The following ZNF513 variants were observed in gnomAD, a reference collection of about 807,000 sequenced individuals.
ZNF513 encodes zinc finger protein 513.
ZNF513 carries 16 observed loss-of-function variants against 39.7 expected under a neutral mutation model. The ratio of observed to expected loss-of-function variants is 0.40; its 90% CI spans 0.27 to 0.61. The LOEUF (loss-of-function observed/expected upper bound fraction) is 0.61, where lower values mean the gene tolerates loss of function less well. Among genes scored for constraint, ZNF513 ranks in the 20% least tolerant of loss-of-function variants. The probability of loss-of-function intolerance (pLI) is 0.39; values close to 1 mark genes in which losing one functional copy is unlikely to be tolerated. For synonymous variants in ZNF513, 348 were observed against 296.5 expected, an observed-to-expected ratio of 1.17 and a Z score of -1.79; for missense variants, 699 against 743.6, an observed-to-expected ratio of 0.94 and a Z score of 0.70.
At position 27,380,550 on chromosome 2, in the gene ZNF513, G is replaced by T. The variant is rs780603445; in HGVS notation, c.-24C>A. 3.1e-5 allele frequency: 48 copies of T among 1,550,456 alleles called. No individual in the cohort carries two copies. In the African/African-American group the frequency reaches 5.6e-4, roughly 18 times the overall value. On this transcript the variant is annotated 5_prime_UTR_variant, in exon 1 of 4. Transcript: ENST00000323703. ...ATCGTGACCGGCTCCAGCCCGACGC[G>T]CCTCCGGCCTGCGGCCGCCCGACCC...
intron 2 of ZNF513, among the ~76,000 whole-genome samples, chr2:27,379,707 A>T (rs1683534701): frequency 6.6e-6 from 1 of 152,232 alleles, no homozygotes; most frequent in Non-Finnish European, 1.5e-5. Context: ...AAAGGAGCTT[A>T]CGCTGCAGGT....
chr2:27,378,567 AGTG>A lies in ZNF513; in HGVS notation c.696_698del (p.Thr233del). 1 of 1,613,766 alleles carries A rather than the reference AGTG, an allele frequency of 6.2e-7. No individual in the cohort carries two copies. Among genetic ancestry groups the A allele is most frequent in the African/African-American group, 1.3e-5 (1 of 74,976 alleles). On this transcript the variant is annotated inframe_deletion, in exon 3 of 4. Coordinates refer to ENST00000323703, the MANE Select transcript of ZNF513 (RefSeq NM_144631.6). The surrounding 1 kb of genome is among the most constrained non-coding windows in gnomAD (Gnocchi z 8.0). The stretch of plus-strand genomic sequence containing the variant: ...GGAAGCCACAGGTCGGGCAGGGAGG[AGTG>A]GGGGGCCCTGCGTGGGTACGCTGAT...
Position 27,380,595 on chromosome 2 carries a change from C to T in ZNF513, c.-69G>A, listed in dbSNP as rs1683576370. 1.3e-6 allele frequency: 2 copies of T among 1,539,350 alleles called. No homozygotes were observed. Among genetic ancestry groups the T allele is most frequent in the South Asian group, 2.4e-5 (2 of 83,742 alleles). Reference sequence around the variant, plus strand: ...CGACCCCGCCCCTCCTATCTCGGCCCGCCTGTCTGCCCTTCCTCTCAGGGC... The same window carrying T: ...CGACCCCGCCCCTCCTATCTCGGCCTGCCTGTCTGCCCTTCCTCTCAGGGC... On this transcript the variant is annotated 5_prime_UTR_variant, in exon 1 of 4. Transcript: ENST00000323703.
At position 27,377,825 on chromosome 2, in the gene ZNF513, C is replaced by T; in HGVS notation, c.1346G>A (p.Cys449Tyr). The change falls in exon 4 of 4, where the codon TGC becomes TAC. Residue 449 changes from cysteine to tyrosine, a missense_variant. Physicochemically the swap from Cys to Tyr is radical, Grantham distance 194. Around this residue, in one of 3 missense-constraint regions of ZNF513, gnomAD observed 98 missense variants for 180.2 expected, o/e 0.54. Transcript: ENST00000323703. The surrounding 1 kb of genome is among the most constrained non-coding windows in gnomAD (Gnocchi z 4.4). ...CATGCTCTGGTTGCAGCTGTAGTTG[C>T]AAAGGCTACACCGAAAAGGTTTGTC... Reference protein sequence around the residue: ...SGDKPFRCSLCNYSCNQSMNL... With the variant: ...SGDKPFRCSLYNYSCNQSMNL... 2 of 1,614,150 alleles carry T rather than the reference C, an allele frequency of 1.2e-6. No individual in the cohort carries two copies. Among genetic ancestry groups the T allele is most frequent in the Non-Finnish European group, 1.7e-6 (2 of 1,180,024 alleles).
rs1199743126 is a variant in ZNF513 at position 27,380,460 on chromosome 2, CT to C, written c.55+11del. 4 of 1,593,930 alleles carry C rather than the reference CT, an allele frequency of 2.5e-6. No homozygotes were observed. Among genetic ancestry groups the C allele is most frequent in the Non-Finnish European group, 2.6e-6 (3 of 1,168,224 alleles). On this transcript the variant is annotated intron_variant, in intron 1 of 3. Coordinates refer to ENST00000323703, the MANE Select transcript of ZNF513 (RefSeq NM_144631.6). ...CCCCGCTCCTCTCCCCTCAAGGCCCCTGACCCCTGACCTTTGACCCCCTCGC... is the reference window on the plus strand; with the variant it reads ...CCCCGCTCCTCTCCCCTCAAGGCCCCGACCCCTGACCTTTGACCCCCTCGC...
Position 27,380,647 on chromosome 2 carries a change from CG to C in ZNF513, c.-122del. The C allele has an allele frequency of 7.1e-7, 1 of 1,399,624 alleles. No individual in the cohort carries two copies. The highest frequency in any genetic ancestry group is 9.2e-7 in the Non-Finnish European group (1 of 1,081,848). The allele number at this position is 1,399,624 out of a possible 1,614,324, so 86.7% of individuals were successfully genotyped here. ...CGCGGGCCGCCCCCATGCAGCGGCG[CG>C]GGCCCTGGGCAGCCCCCGGCCCTGG... On this transcript the variant is annotated 5_prime_UTR_variant, in exon 1 of 4. It removes the in-frame stop codon of an upstream open reading frame in the 5' UTR. Transcript: ENST00000323703.
At chr2:27,380,065 A>G in intron 2 of ZNF513, 28 bp downstream of exon 2, 1 of 1,613,744 alleles carries the variant, frequency 6.2e-7, no homozygotes, top group Non-Finnish European at 8.5e-7. Context: ...AGCGGCCGCT[A>G]ATCCTTAACC....
rs1460356961 is a variant in ZNF513 at position 27,377,766 on chromosome 2, C to T, written c.1405G>A (p.Glu469Lys). Reference sequence around the variant, plus strand: ...CAGGTGGCACAGCGGAAGGGCTTCTCGCCTGTGTGCCGCAGCATGTGACGT... The same window carrying T: ...CAGGTGGCACAGCGGAAGGGCTTCTTGCCTGTGTGCCGCAGCATGTGACGT... ...LKRHMLRHTG[E>K]KPFRCATCAY... The change falls in exon 4 of 4, where the codon GAG becomes AAG. Residue 469 changes from glutamate (E) to lysine (K), a missense_variant. Around this residue, in one of 3 missense-constraint regions of ZNF513, gnomAD observed 98 missense variants for 180.2 expected, o/e 0.54. Transcript: ENST00000323703. The surrounding 1 kb of genome is among the most constrained non-coding windows in gnomAD (Gnocchi z 4.4). 1.2e-6 allele frequency: 2 copies of T among 1,614,228 alleles called. No individual in the cohort carries two copies. Among genetic ancestry groups the T allele is most frequent in the Admixed American group, 1.7e-5 (1 of 60,028 alleles).
Position 27,377,358 on chromosome 2 carries a change from T to TTCTCACTGAGCTCG in ZNF513, c.*173_*186dup, listed in dbSNP as rs1683356493. 1 of 724,876 alleles carries TTCTCACTGAGCTCG rather than the reference T, an allele frequency of 1.4e-6. No individual in the cohort carries two copies. The highest frequency in any genetic ancestry group is 1.7e-5 in the African/African-American group (1 of 57,598). The allele number at this position is 724,876 out of a possible 1,614,324, so 44.9% of individuals were successfully genotyped here. ...GGCAGTGGAGGTGAATACAGGGCCC[T>TTCTCACTGAGCTCG]TCTCACTGAGCTCGTGAAGTGCCTC... On this transcript the variant is annotated 3_prime_UTR_variant, in exon 4 of 4. Transcript: ENST00000323703. This position sits in a 1 kb window ranked among gnomAD's most constrained non-coding sequence, Gnocchi z 4.4.
rs1683579661 is a variant in ZNF513, at chr2:27,380,657, G to A, written c.-131C>T. 7 of 1,334,160 alleles carry A rather than the reference G, an allele frequency of 5.2e-6. No homozygotes were observed. In the South Asian group the frequency reaches 7.9e-5, roughly 15 times the overall value. The allele number at this position is 1,334,160 out of a possible 1,614,324, so 82.6% of individuals were successfully genotyped here. On this transcript the variant is annotated 5_prime_UTR_variant, in exon 1 of 4. Transcript: ENST00000323703. ...CCCCATGCAGCGGCGCGGGCCCTGG[G>A]CAGCCCCCGGCCCTGGCCCCGGCGC...
In ZNF513 at chr2:27,378,906, G is replaced by A. The variant is rs1392169804; in HGVS notation, c.360C>T (p.Cys120=). 2 of 1,604,738 alleles carry A rather than the reference G, an allele frequency of 1.2e-6. No individual in the cohort carries two copies. The highest frequency in any genetic ancestry group is 1.3e-5 in the African/African-American group (1 of 74,700). The change falls in exon 3 of 4, where the codon TGC becomes TGT. Residue 120 remains cysteine (C), a synonymous_variant. Transcript: ENST00000323703. The surrounding 1 kb of genome is among the most constrained non-coding windows in gnomAD (Gnocchi z 8.0). The part of the protein sequence containing the change: ...EARGERPGPA[C]QLCGGPTGEG... ...CACCTGTCGGCCCCCCACACAGCTG[G>A]CAGGCTGGGCCTGGCCTCTCACCCC...
intron 2 of ZNF513, 44 bp downstream of exon 2, chr2:27,380,049 G>A (rs763095222): frequency 6.2e-7 from 1 of 1,613,356 alleles, no homozygotes; most frequent in African/African-American, 1.3e-5. Flanking sequence ...AAGGGCTGGG[G>A]TCTCCAGCGG....
rs1244390751 is a variant in ZNF513 at position 27,378,036 on chromosome 2, T to A, written c.1135A>T (p.Met379Leu). 6.2e-7 allele frequency: 1 copy of A among 1,611,214 alleles called. No homozygotes were observed. The highest frequency in any genetic ancestry group is 8.5e-7 in the Non-Finnish European group (1 of 1,177,782). The change falls in exon 4 of 4, where the codon ATG (methionine) becomes TTG (leucine). Residue 379 changes from methionine (M) to leucine (L), a missense_variant. Physicochemically the swap from Met to Leu is conservative, Grantham distance 15. Transcript: ENST00000323703. This position sits in a 1 kb window ranked among gnomAD's most constrained non-coding sequence, Gnocchi z 8.0. ...GGCTTCTCACCACTGTGTGTCTTCA[T>A]GTGCCGGGCCAGGTGGTTGGGATAG... ...THYPNHLARH[M>L]KTHSGEKPFR...
Position 27,380,503 on chromosome 2 carries a change from G to T in ZNF513, c.24C>A (p.His8Gln). 6.3e-7 allele frequency: 1 copy of T among 1,585,942 alleles called. No individual in the cohort carries two copies. The highest frequency in any genetic ancestry group is 8.6e-7 in the Non-Finnish European group (1 of 1,157,640). MPRRKQS[H>Q]PQPVKCEGVK... ...CCCCCTCGCATTTCACGGGCTGCGG[G>T]TGGCTTTGCTTCCTTCGGGGCATCG... The change falls in exon 1 of 4, where the codon CAC becomes CAA. Residue 8 changes from histidine (H) to glutamine (Q), a missense_variant. Physicochemically the swap from His to Gln is conservative, Grantham distance 24. Around this residue, in one of 3 missense-constraint regions of ZNF513, gnomAD observed 530 missense variants for 499.3 expected, o/e 1.06. Transcript: ENST00000323703.
rs1295447863 is a variant in ZNF513 at position 27,379,000 on chromosome 2, G to C, written c.266C>G (p.Ser89Cys). 1.9e-6 allele frequency: 3 copies of C among 1,613,170 alleles called. No homozygotes were observed. The highest frequency in any genetic ancestry group is 1.3e-5 in the African/African-American group (1 of 75,026). ...CGCACTTAGTGCCCGGCCGCCCCCA[G>C]ACTCATCGTCGCTCAGCCCATAGGG... The part of the protein sequence containing the change: ...GLPYGLSDDE[S>C]GGGRALSAES... The change falls in exon 3 of 4, where the codon TCT becomes TGT. Residue 89 changes from serine (S) to cysteine (C), a missense_variant. By Grantham distance (112) the Ser-to-Cys change is moderately radical (BLOSUM62 -1). Transcript: ENST00000323703. The surrounding 1 kb of genome is among the most constrained non-coding windows in gnomAD (Gnocchi z 8.0).
chr2:27,378,169 G>A lies in ZNF513; in HGVS notation c.1002C>T (p.Ala334=). ...CTCCTCGCATGCAGCGCCCACACAT[G>A]GCAGCTCCCAGCCGACTACCCTCAC... ...EEGEGSRLGA[A]MCGRCMRGEA... Residue 334 remains alanine, a synonymous_variant, in exon 4 of 4, where the codon GCC becomes GCT. Transcript: ENST00000323703. The surrounding 1 kb of genome is among the most constrained non-coding windows in gnomAD (Gnocchi z 8.0). The A allele has an allele frequency of 6.2e-7, 1 of 1,612,786 alleles. No homozygotes were observed. The highest frequency in any genetic ancestry group is 1.3e-5 in the African/African-American group (1 of 75,042).
rs1401247971 is a variant in ZNF513, at chr2:27,378,579, T to C, written c.687A>G (p.Ala229=). 1.9e-6 allele frequency: 3 copies of C among 1,613,900 alleles called. No individual in the cohort carries two copies. The highest frequency in any genetic ancestry group is 2.5e-6 in the Non-Finnish European group (3 of 1,179,970). The change falls in exon 3 of 4, where the codon GCA becomes GCG. Residue 229 remains alanine (A), a synonymous_variant. Coordinates refer to ENST00000323703, the MANE Select transcript of ZNF513 (RefSeq NM_144631.6). This position sits in a 1 kb window ranked among gnomAD's most constrained non-coding sequence, Gnocchi z 8.0. ...TCGGGCAGGGAGGAGTGGGGGGCCC[T>C]GCGTGGGTACGCTGATGCCGCCTCA... The part of the protein sequence containing the change: ...GNLRRHQRTH[A]GPPTPPCPTC...
chr2:27,377,361 TCACTGAGCTCGTGAA>T lies in ZNF513; in HGVS notation c.*169_*183del, dbSNP rs1263299669. ...AGTGGAGGTGAATACAGGGCCCTTC[TCACTGAGCTCGTGAA>T]GTGCCTCAGTCAAGGCAAGGTCCCC... On this transcript the variant is annotated 3_prime_UTR_variant, in exon 4 of 4. Transcript: ENST00000323703. This position sits in a 1 kb window ranked among gnomAD's most constrained non-coding sequence, Gnocchi z 4.4. 1.4e-6 allele frequency: 1 copy of T among 727,760 alleles called. No homozygotes were observed. The allele number at this position is 727,760 out of a possible 1,614,324, so 45.1% of individuals were successfully genotyped here.
chr2:27,377,529 G>T lies in ZNF513; in HGVS notation c.*16C>A, dbSNP rs1558310537. 1 of 1,613,328 alleles carries T rather than the reference G, an allele frequency of 6.2e-7. No individual in the cohort carries two copies. The highest frequency in any genetic ancestry group is 8.5e-7 in the Non-Finnish European group (1 of 1,179,440). On this transcript the variant is annotated 3_prime_UTR_variant, in exon 4 of 4. Coordinates refer to ENST00000323703, the MANE Select transcript of ZNF513 (RefSeq NM_144631.6). This position sits in a 1 kb window ranked among gnomAD's most constrained non-coding sequence, Gnocchi z 4.4. ...TCTGGTCCGTCTGTATAAAACATGG[G>T]GAAGAAGGACCTAGTTCAGGATGAG...
Sources: allele counts gnomAD v4.1 joint callset (sites outside exome capture counted in the v4.1 genomes callset), GRCh38; gene constraint gnomAD v4.1.1; regional missense constraint gnomAD v4.1.1; non-coding constraint Gnocchi (gnomAD v3.1); transcripts MANE v1.5; gene names NCBI Gene and HGNC (gene_info 2026-07-23, HGNC 2026-07-21).